The following ILRUN variants were observed in gnomAD, a reference collection of about 807,000 sequenced individuals.
ILRUN encodes the protein inflammation and lipid regulator with UBA-like and NBR1-like domains.
A neutral mutation model predicts 33.8 loss-of-function variants in ILRUN; 3 were observed. The ratio of observed to expected loss-of-function variants is 0.09; its 90% confidence interval spans 0.04 to 0.23. The LOEUF (loss-of-function observed/expected upper bound fraction) is 0.23, where lower values mean the gene tolerates loss of function less well. Ranked by LOEUF, ILRUN falls within the 10% of genes least tolerant of loss-of-function variation. The pLI is 1.00. For synonymous variants in ILRUN, 124 were observed against 138.9 expected (o/e 0.89, Z 0.75); for missense variants, 210 against 375.1 (o/e 0.56, Z 3.64).
At chr6:34,689,058 C>T (rs934328061) in intron 1 of ILRUN, among the ~76,000 whole-genome samples, 6 of 152,200 alleles carry the variant, frequency 3.9e-5, no homozygotes, top group Admixed American at 3.3e-4. Flanking sequence ...TCCTTTACAC[C>T]GGCTTAATGG....
chr6:34,667,545 A>C (rs1763029907), intron 1 of ILRUN, among the ~76,000 whole-genome samples: 1 of 152,226 alleles, frequency 6.6e-6, no homozygotes, highest in Non-Finnish European at 1.5e-5. Context: ...TTGGGAAAAC[A>C]GGGTAGTCCC....
chr6:34,634,180 A>C (rs1474978275), intron 3 of ILRUN, among the ~76,000 whole-genome samples: 1 of 152,196 alleles, frequency 6.6e-6, no homozygotes, highest in Non-Finnish European at 1.5e-5. Flanking sequence ...TGAAAATTAA[A>C]CACCACACTT....
intron 4 of ILRUN, among the ~76,000 whole-genome samples, chr6:34,605,746 C>T (rs533819145): frequency 5.9e-5 from 9 of 152,272 alleles, no homozygotes; most frequent in South Asian, 2.1e-4. Flanking sequence ...TTAAGGTGAA[C>T]GCCAACATGA....
intron 3 of ILRUN, among the ~76,000 whole-genome samples, chr6:34,643,644 C>A (rs1465693805): frequency 6.6e-6 from 1 of 152,192 alleles, no homozygotes; most frequent in African/African-American, 2.4e-5. Context: ...TCATTACTTA[C>A]AAAAGTGTCT....
At chr6:34,674,812 G>GCTT (rs1207229270) in intron 1 of ILRUN, among the ~76,000 whole-genome samples, 21 of 152,236 alleles carry the variant, frequency 1.4e-4, no homozygotes, top group African/African-American at 4.8e-4. Flanking sequence ...TGTAATCCCA[G>GCTT]CACTTTGGGA....
intron 4 of ILRUN, among the ~76,000 whole-genome samples, chr6:34,591,417 C>A (rs1761290192): frequency 6.6e-6 from 1 of 152,172 alleles, no homozygotes; most frequent in Non-Finnish European, 1.5e-5. Context: ...ATCACTTGAA[C>A]CTGGAAGGTC....
rs560406529 is a variant in ILRUN at position 34,633,480 on chromosome 6, T to C, written c.511+13121A>G. Among the ~76,000 whole-genome samples the C allele has an allele frequency of 8.5e-5, 13 of 152,234 alleles. No individual in the cohort carries two copies. In the South Asian group the frequency reaches 2.5e-3, roughly 29 times the overall value. ...AACACTCAACTCAGCAAAATACACA[T>C]GCTTTTGAAGTACGCATGGAATATT... On this transcript the variant is annotated intron_variant, in intron 3 of 4. Transcript: ENST00000374023.
intron 1 of ILRUN, among the ~76,000 whole-genome samples, chr6:34,676,735 G>A (rs1763242932): frequency 3.3e-5 from 5 of 150,862 alleles, no homozygotes; most frequent in Admixed American, 2.6e-4. Flanking sequence ...ACACACAAAA[G>A]AAATAAGACT....
At chr6:34,649,980 C>T (rs1325881515) in intron 2 of ILRUN, among the ~76,000 whole-genome samples, 1 of 151,812 alleles carries the variant, frequency 6.6e-6, no homozygotes, top group Non-Finnish European at 1.5e-5. Context: ...TTTCCCATCC[C>T]TTTATATTCA....
At chr6:34,676,426 ATAGC>A (rs201493558) in intron 1 of ILRUN, among the ~76,000 whole-genome samples, 1 of 150,448 alleles carries the variant, frequency 6.6e-6, no homozygotes, top group East Asian at 1.9e-4. Flanking sequence ...ACAGATAGAT[ATAGC>A]TAGCTAGCTA....
intron 2 of ILRUN, among the ~76,000 whole-genome samples, chr6:34,651,183 G>A (rs1184015630): frequency 6.6e-6 from 1 of 152,138 alleles, no homozygotes; most frequent in Non-Finnish European, 1.5e-5. Flanking sequence ...CTCTACAGCT[G>A]GGGGGACAAC....
intron 4 of ILRUN, among the ~76,000 whole-genome samples, chr6:34,591,395 T>C (rs1013457315): frequency 3.9e-5 from 6 of 152,108 alleles, no homozygotes; most frequent in Non-Finnish European, 8.8e-5. Context: ...CTTGGGAGGC[T>C]GAAGTGGGAC....
intron 1 of ILRUN, 101 bp downstream of exon 1, chr6:34,696,345 T>C: frequency 1.5e-6 from 2 of 1,309,670 alleles, no homozygotes; most frequent in Non-Finnish European, 2.1e-6. Flanking sequence ...TGGCCCTCAG[T>C]ACCCGCCTGG....
intron 1 of ILRUN, among the ~76,000 whole-genome samples, chr6:34,682,032 ATTTTTTTACTTTTTTT>A (rs1562031730): frequency 7.9e-6 from 1 of 126,424 alleles, no homozygotes; most frequent in Non-Finnish European, 1.6e-5. Context: ...TTATATTTTT[ATTTTTTTACTTTTTTT>A]TTTTTTTCTA....
chr6:34,599,747 A>G (rs1311888864), intron 4 of ILRUN, among the ~76,000 whole-genome samples: 1 of 152,170 alleles, frequency 6.6e-6, no homozygotes, highest in African/African-American at 2.4e-5. Flanking sequence ...TTGGATATGC[A>G]ACAGCCCACT....
At chr6:34,604,504 G>C (rs1167957120) in intron 4 of ILRUN, among the ~76,000 whole-genome samples, 1 of 152,220 alleles carries the variant, frequency 6.6e-6, no homozygotes, top group African/African-American at 2.4e-5. Flanking sequence ...TTCCATTAGA[G>C]AAAGCACAGG....
intron 1 of ILRUN, 109 bp from the exon 2 acceptor site, chr6:34,654,888 GC>G: frequency 9.4e-7 from 1 of 1,066,094 alleles, no homozygotes; most frequent in Non-Finnish European, 1.3e-6. Context: ...AGAACCTGAG[GC>G]TCCTGGTATA....
In ILRUN at chr6:34,693,575, T is replaced by TA. The variant is rs772049750; in HGVS notation, c.158+2870dup. Among the ~76,000 whole-genome samples the TA allele has an allele frequency of 2.1e-4, 32 of 152,306 alleles. No individual in the cohort carries two copies. The East Asian group carries it at 4.4e-3, about 21-fold the overall frequency. ...TTTGCTCATATATGTAACTTGTTTT[T>TA]ATACAGAAATAACATGTCATCAACA... On this transcript the variant is annotated intron_variant, in intron 1 of 4. Transcript: ENST00000374023.
At position 34,660,427 on chromosome 6, in the gene ILRUN, C is replaced by T. The variant is rs190523908; in HGVS notation, c.159-5648G>A. Among the ~76,000 whole-genome samples, 109 of 148,038 alleles carry T rather than the reference C, an allele frequency of 7.4e-4. 1 individual carries two copies. The highest frequency in any genetic ancestry group is 3.5e-3 in the Middle Eastern group (1 of 282). On this transcript the variant is annotated intron_variant, in intron 1 of 4. Coordinates refer to ENST00000374023, the MANE Select transcript of ILRUN (RefSeq NM_024294.4). Reference sequence around the variant, plus strand: ...TGAACAAGTGAGAAACTCAAAAGAACACAAATTATTTATGAGAAAAAGAAA... The same window carrying T: ...TGAACAAGTGAGAAACTCAAAAGAATACAAATTATTTATGAGAAAAAGAAA...
Sources: gnomAD v4.1 joint callset for allele counts (sites outside exome capture counted in the v4.1 genomes callset) on GRCh38, gnomAD v4.1.1 for gene constraint, MANE v1.5 for transcripts, NCBI Gene and HGNC (gene_info 2026-07-23, HGNC 2026-07-21) for gene names.